Variants in RPL22L1 observed in about 807,000 individuals in gnomAD.
The protein encoded by RPL22L1 is ribosomal protein L22 like 1.
A neutral mutation model predicts 17.3 loss-of-function variants in RPL22L1; 19 were observed. That is an observed-to-expected ratio of 1.10 (90% confidence interval 0.77 to 1.61). The LOEUF (loss-of-function observed/expected upper bound fraction) is 1.61. Among genes scored for constraint, RPL22L1 ranks in the 40% most tolerant of loss-of-function variants. RPL22L1 has a pLI of 0.00. For missense variants in RPL22L1, 139 were observed against 144.4 expected (o/e 0.96, Z 0.19); for synonymous variants, 48 against 48.5 (o/e 0.99, Z 0.05).
In RPL22L1 at chr3:170,868,141, T is replaced by A. The variant is rs1474069273; in HGVS notation, c.103-7A>T. 1.2e-6 allele frequency: 2 copies of A among 1,603,620 alleles called. No individual in the cohort carries two copies. Among genetic ancestry groups the A allele is most frequent in the African/African-American group, 1.3e-5 (1 of 74,726 alleles). ...TCTCCCGTAGAAATTGCTCCTATTT[T>A]AAAACAGAAAAAATGCAAAACTAGG... On this transcript the variant is annotated splice_polypyrimidine_tract_variant and splice_region_variant and intron_variant, in intron 2 of 3. Transcript: ENST00000295830.
chr3:170,867,983 AG>A (rs777815226), intron 3 of RPL22L1, 29 bp downstream of exon 3: 23 of 1,507,092 alleles, frequency 1.5e-5, no homozygotes, highest in South Asian at 1.1e-4. Context: ...AAACTACTAT[AG>A]TTTTATTAAA....
chr3:170,868,455 T>C lies in RPL22L1; in HGVS notation c.10-65A>G, dbSNP rs1412434791. On this transcript the variant is annotated intron_variant, in intron 1 of 3. Transcript: ENST00000295830. ...ACTTATTCAATTTATATAAACAATT[T>C]TAAAGTTTGTACCAATGCAATCTGT... 3 of 996,122 alleles carry C rather than the reference T, an allele frequency of 3.0e-6. No homozygotes were observed. In the East Asian group the frequency reaches 7.6e-5, roughly 25 times the overall value. The allele number at this position is 996,122 out of a possible 1,614,324, so 61.7% of individuals were successfully genotyped here.
Position 170,870,153 on chromosome 3 carries a change from A to T in RPL22L1, c.9+6T>A. 6.2e-7 allele frequency: 1 copy of T among 1,613,964 alleles called. No individual in the cohort carries two copies. The highest frequency in any genetic ancestry group is 8.5e-7 in the Non-Finnish European group (1 of 1,179,886). ...CAACACTCCCACCAAGACATCGCTC[A>T]CTCACCGGCGCCATCTTGCGAGTCG... On this transcript the variant is annotated splice_donor_region_variant and intron_variant, in intron 1 of 3. Transcript: ENST00000295830.
At position 170,866,442 on chromosome 3, in the gene RPL22L1, TCTC is replaced by T. The variant is rs759023747; in HGVS notation, c.304_306del (p.Glu102del). The T allele has an allele frequency of 5.4e-5, 86 of 1,599,634 alleles. No individual in the cohort carries two copies. The African/African-American group carries it at 1.0e-3, about 19-fold the overall frequency. ...ATCTGGAAGTAACGAAGTTCGTAGG[TCTC>T]CTTGTCAGATGCAACCACTCGAAGC... On this transcript the variant is annotated inframe_deletion, in exon 4 of 4. Coordinates refer to ENST00000295830, the MANE Select transcript of RPL22L1 (RefSeq NM_001099645.2).
Position 170,866,341 on chromosome 3 carries a change from T to C in RPL22L1, c.*39A>G, listed in dbSNP as rs1363410508. The C allele has an allele frequency of 6.6e-7, 1 of 1,509,940 alleles. No homozygotes were observed. Among genetic ancestry groups the C allele is most frequent in the Non-Finnish European group, 8.9e-7 (1 of 1,123,466 alleles). The allele number at this position is 1,509,940 out of a possible 1,614,324, so 93.5% of individuals were successfully genotyped here. Reference sequence around the variant, plus strand: ...GTATTTCTCATGTATACTTCATTTATTTTATTAATAAGCAAAGCCCTGTAA... The same window carrying C: ...GTATTTCTCATGTATACTTCATTTACTTTATTAATAAGCAAAGCCCTGTAA... On this transcript the variant is annotated 3_prime_UTR_variant, in exon 4 of 4. Transcript: ENST00000295830.
At position 170,866,150 on chromosome 3, in the gene RPL22L1, T is replaced by G; in HGVS notation, c.*230A>C. On this transcript the variant is annotated 3_prime_UTR_variant, in exon 4 of 4. Transcript: ENST00000295830. ...CTTTTACCTGAGTACATAAAAGATT[T>G]TGGAAATCGTGGGAAAAAATTATAC... 3.0e-6 allele frequency: 1 copy of G among 336,902 alleles called. No individual in the cohort carries two copies. Among genetic ancestry groups the G allele is most frequent in the Non-Finnish European group, 5.3e-6 (1 of 187,388 alleles). 20.9% of individuals were successfully genotyped at this position (336,902 alleles called of 1,614,324 possible). A position where few individuals can be genotyped will look rare whatever the true frequency, so the allele number is the denominator to read the frequency against.
In RPL22L1 at chr3:170,865,422, G is replaced by C. The variant is rs1711713701; in HGVS notation, c.*958C>G. The C allele has an allele frequency of 6.6e-6, 1 of 152,148 alleles. No individual in the cohort carries two copies. The highest frequency in any genetic ancestry group is 6.5e-5 in the Admixed American group (1 of 15,280). The allele number at this position is 152,148 out of a possible 1,614,324, so 9.4% of individuals were successfully genotyped here. On this transcript the variant is annotated 3_prime_UTR_variant, in exon 4 of 4. Coordinates refer to ENST00000295830, the MANE Select transcript of RPL22L1 (RefSeq NM_001099645.2). ...GGATTTTGCCAAACCATTTCGATTA[G>C]AGCTTTCAAAGGCCAGTTTATTCGG...
In RPL22L1 at chr3:170,864,914, C is replaced by T. The variant is rs749108149; in HGVS notation, c.*1466G>A. Reference sequence around the variant, plus strand: ...TGAAATTCCTTTTATTAAGCCCTCCCTTTTGTAGCAGTAAATTTGTTCACA... The same window carrying T: ...TGAAATTCCTTTTATTAAGCCCTCCTTTTTGTAGCAGTAAATTTGTTCACA... On this transcript the variant is annotated 3_prime_UTR_variant, in exon 4 of 4. Coordinates refer to ENST00000295830, the MANE Select transcript of RPL22L1 (RefSeq NM_001099645.2). 2.0e-5 allele frequency: 3 copies of T among 152,248 alleles called. No homozygotes were observed. Among genetic ancestry groups the T allele is most frequent in the Non-Finnish European group, 2.9e-5 (2 of 68,058 alleles). 9.4% of individuals were successfully genotyped at this position (152,248 alleles called of 1,614,324 possible). A position where few individuals can be genotyped will look rare whatever the true frequency, so the allele number is the denominator to read the frequency against.
At position 170,865,703 on chromosome 3, in the gene RPL22L1, G is replaced by C. The variant is rs1260718754; in HGVS notation, c.*677C>G. The C allele has an allele frequency of 6.6e-6, 1 of 152,144 alleles. No individual in the cohort carries two copies. Among genetic ancestry groups the C allele is most frequent in the African/African-American group, 2.4e-5 (1 of 41,438 alleles). 9.4% of individuals were successfully genotyped at this position (152,144 alleles called of 1,614,324 possible). ...TGGTTTACAGCAGGCCTCACACCCA[G>C]AGTCTTTGGGCTAACTATAAGAGCA... On this transcript the variant is annotated 3_prime_UTR_variant, in exon 4 of 4. Transcript: ENST00000295830.
intron 1 of RPL22L1, among the ~76,000 whole-genome samples, chr3:170,868,814 A>G (rs554422656): frequency 4.0e-5 from 6 of 149,384 alleles, no homozygotes; most frequent in Admixed American, 6.7e-5. Flanking sequence ...AAAAAAAAAA[A>G]AAAAGAAAAG....
rs1394155993 is a variant in RPL22L1 at position 170,870,178 on chromosome 3, G to T, written c.-11C>A. The stretch of plus-strand genomic sequence containing the variant: ...ACTCACCGGCGCCATCTTGCGAGTC[G>T]GCCGCGAGAGCAGAGAGGAAGCTAC... On this transcript the variant is annotated 5_prime_UTR_variant, in exon 1 of 4. Transcript: ENST00000295830. 1.2e-6 allele frequency: 2 copies of T among 1,613,482 alleles called. No homozygotes were observed. The highest frequency in any genetic ancestry group is 1.3e-5 in the African/African-American group (1 of 74,790).
Position 170,868,103 on chromosome 3 carries a change from T to G in RPL22L1, c.134A>C (p.Asn45Thr), listed in dbSNP as rs375049579. The change falls in exon 3 of 4, where the codon AAT becomes ACT. Residue 45 changes from asparagine to threonine, a missense_variant. Transcript: ENST00000295830. Reference sequence around the variant, plus strand: ...ATTCCCGAGATTTCCAGTTTTGCCATTGACTTTAACCTTCTCCCGTAGAAA... The same window carrying G: ...ATTCCCGAGATTTCCAGTTTTGCCAGTGACTTTAACCTTCTCCCGTAGAAA... Reference protein sequence around the residue: ...EQFLREKVKVNGKTGNLGNVV... With the variant: ...EQFLREKVKVTGKTGNLGNVV... 3 of 1,606,558 alleles carry G rather than the reference T, an allele frequency of 1.9e-6. No individual in the cohort carries two copies. The highest frequency in any genetic ancestry group is 2.7e-5 in the African/African-American group (2 of 74,844).
At position 170,868,206 on chromosome 3, in the gene RPL22L1, G is replaced by A. The variant is rs770956584; in HGVS notation, c.103-72C>T. ...ATATTCACTAGGGAAGGTACCCTAGGAATAGAGCTTAGGTTATTATCAAAT... is the reference window on the plus strand; with the variant it reads ...ATATTCACTAGGGAAGGTACCCTAGAAATAGAGCTTAGGTTATTATCAAAT... On this transcript the variant is annotated intron_variant, in intron 2 of 3. Transcript: ENST00000295830. The A allele has an allele frequency of 4.7e-6, 7 of 1,497,956 alleles. No homozygotes were observed. In the African/African-American group the frequency reaches 9.7e-5, roughly 21 times the overall value. 92.8% of individuals were successfully genotyped at this position (1,497,956 alleles called of 1,614,324 possible).
intron 3 of RPL22L1, among the ~76,000 whole-genome samples, 169 bp downstream of exon 3, chr3:170,867,844 A>G (rs1711827912): frequency 6.6e-6 from 1 of 152,128 alleles, no homozygotes; most frequent in African/African-American, 2.4e-5. Flanking sequence ...GACACTTACA[A>G]CTAGACTCAG....
Position 170,868,027 on chromosome 3 carries a change from T to G in RPL22L1, c.210A>C (p.Lys70Asn), listed in dbSNP as rs775473559. ...FKNKITVVSE[K>N]QFSKRYLKYL... ...AAAGTACCAACCTTTTAGAGAACTGTTTCTCAGAAACAACTGTGATTTTAT... is the reference window on the plus strand; with the variant it reads ...AAAGTACCAACCTTTTAGAGAACTGGTTCTCAGAAACAACTGTGATTTTAT... The change falls in exon 3 of 4, where the codon AAA becomes AAC. Residue 70 changes from lysine to asparagine, a missense_variant. Coordinates refer to ENST00000295830, the MANE Select transcript of RPL22L1 (RefSeq NM_001099645.2). The G allele has an allele frequency of 1.3e-6, 2 of 1,597,800 alleles. No homozygotes were observed. The highest frequency in any genetic ancestry group is 1.3e-5 in the African/African-American group (1 of 74,596).
At position 170,866,258 on chromosome 3, in the gene RPL22L1, C is replaced by T. The variant is rs1485505409; in HGVS notation, c.*122G>A. On this transcript the variant is annotated 3_prime_UTR_variant, in exon 4 of 4. Coordinates refer to ENST00000295830, the MANE Select transcript of RPL22L1 (RefSeq NM_001099645.2). Reference sequence around the variant, plus strand: ...AAACAGCATACTCAAAAAAATGAGACAAAAGTTCAAGAGTATAATATTTTT... The same window carrying T: ...AAACAGCATACTCAAAAAAATGAGATAAAAGTTCAAGAGTATAATATTTTT... 1.0e-5 allele frequency: 8 copies of T among 779,534 alleles called. No individual in the cohort carries two copies. Among genetic ancestry groups the T allele is most frequent in the African/African-American group, 8.8e-5 (5 of 57,076 alleles). 48.3% of individuals were successfully genotyped at this position (779,534 alleles called of 1,614,324 possible).
At chr3:170,867,834 GAC>G (rs542241536) in intron 3 of RPL22L1, among the ~76,000 whole-genome samples, 177 bp downstream of exon 3, 295 of 152,246 alleles carry the variant, frequency 1.9e-3, no homozygotes, top group African/African-American at 6.7e-3. Flanking sequence ...AGCAATAAAT[GAC>G]ACTTACAACT....
rs1444788937 is a variant in RPL22L1, at chr3:170,865,637, C to A, written c.*743G>T. 1 of 152,150 alleles carries A rather than the reference C, an allele frequency of 6.6e-6. No homozygotes were observed. The highest frequency in any genetic ancestry group is 2.1e-4 in the South Asian group (1 of 4,818). The allele number at this position is 152,150 out of a possible 1,614,324, so 9.4% of individuals were successfully genotyped here. On this transcript the variant is annotated 3_prime_UTR_variant, in exon 4 of 4. Transcript: ENST00000295830. ...TTTGGTTTTGAGTTTCTGGTGCCTA[C>A]AAAGCAGGTGGTTAGGGCTTTCTAA...
At position 170,866,284 on chromosome 3, in the gene RPL22L1, T is replaced by G. The variant is rs1560001639; in HGVS notation, c.*96A>C. 7.0e-6 allele frequency: 7 copies of G among 995,446 alleles called. No individual in the cohort carries two copies. The South Asian group carries it at 1.2e-4, about 17-fold the overall frequency. The allele number at this position is 995,446 out of a possible 1,614,324, so 61.7% of individuals were successfully genotyped here. A position where few individuals can be genotyped will look rare whatever the true frequency, so the allele number is the denominator to read the frequency against. ...AAAAGTTCAAGAGTATAATATTTTT[T>G]ATTCACTGATAAACTAAAAGCCAAT... On this transcript the variant is annotated 3_prime_UTR_variant, in exon 4 of 4. Transcript: ENST00000295830.
Sources: gnomAD v4.1 joint callset for allele counts (sites outside exome capture counted in the v4.1 genomes callset) on GRCh38, gnomAD v4.1.1 for gene constraint, MANE v1.5 for transcripts, NCBI Gene and HGNC (gene_info 2026-07-23, HGNC 2026-07-21) for gene names.